SMIM35: variants seen among roughly 807,000 people sequenced by gnomAD.
SMIM35 encodes the protein small integral membrane protein 35, also known as TMPRSS4 antisense RNA 1 (non-protein coding).
At chr11:118,006,617 G>A (rs914080821) in intron 4 of SMIM35, among the ~76,000 whole-genome samples, 19 of 152,202 alleles carry the variant, frequency 1.2e-4, no homozygotes, top group South Asian at 2.1e-4. Context: ...TCTTCCATTC[G>A]TGGTAAGGAA....
intron 1 of SMIM35, among the ~76,000 whole-genome samples, chr11:118,074,583 C>CAAAAAATACA (rs925005627): frequency 5.3e-5 from 8 of 151,780 alleles, no homozygotes; most frequent in African/African-American, 1.9e-4. Context: ...CCTGTATCTA[C>CAAAAAATACA]AAAAAATACA....
At chr11:118,009,485 C>T (rs1565378393) in intron 4 of SMIM35, among the ~76,000 whole-genome samples, 2 of 152,142 alleles carry the variant, frequency 1.3e-5, no homozygotes, top group Admixed American at 1.3e-4. Context: ...TTTCACCCTA[C>T]AGGTAAAGTT....
intron 1 of SMIM35, among the ~76,000 whole-genome samples, chr11:118,063,706 A>G (rs1002749263): frequency 6.6e-5 from 10 of 152,152 alleles, no homozygotes; most frequent in African/African-American, 2.2e-4. Flanking sequence ...TTGATCACCA[A>G]TGGCCCGTGG....
Position 118,016,426 on chromosome 11 carries a change from C to T in SMIM35, c.8-617G>A, listed in dbSNP as rs1457184854. 2.6e-5 allele frequency among the ~76,000 whole-genome samples: 4 copies of T among 152,134 alleles called. No individual in the cohort carries two copies. The East Asian group carries it at 5.8e-4, about 22-fold the overall frequency. ...GCCATGGTAGAAGCAGAAAGGACAA[C>T]CAGGTTCTGAGGAAGAGGCTGACAG... is the stretch of plus-strand genomic sequence containing the variant. On this transcript the variant is annotated intron_variant, in intron 1 of 4. Transcript: ENST00000689828.
chr11:118,025,097 T>C (rs768462606), intron 1 of SMIM35, among the ~76,000 whole-genome samples: 1 of 152,186 alleles, frequency 6.6e-6, no homozygotes, highest in African/African-American at 2.4e-5. Flanking sequence ...AAGGAGAAGA[T>C]TTTGTTCTTT....
chr11:118,019,777 A>G (rs1172633079), intron 1 of SMIM35, among the ~76,000 whole-genome samples: 6 of 151,842 alleles, frequency 4.0e-5, no homozygotes, highest in African/African-American at 1.2e-4. Flanking sequence ...CATTATCTCC[A>G]TAATTTTTGT....
intron 1 of SMIM35, among the ~76,000 whole-genome samples, chr11:118,071,215 C>T (rs1246431361): frequency 6.6e-6 from 1 of 152,226 alleles, no homozygotes; most frequent in Non-Finnish European, 1.5e-5. Flanking sequence ...AAGGGAACAC[C>T]TGTTCATCCT....
intron 1 of SMIM35, chr11:118,067,149 C>T (rs998465888): frequency 6.6e-6 from 1 of 151,974 alleles, no homozygotes; most frequent in Non-Finnish European, 1.5e-5. Flanking sequence ...CCCCTCAGAC[C>T]CTCGCAGATG....
chr11:118,059,904 C>T (rs1266403465), intron 1 of SMIM35, among the ~76,000 whole-genome samples: 4 of 152,212 alleles, frequency 2.6e-5, no homozygotes, highest in South Asian at 2.1e-4. Flanking sequence ...CCACTCCCTC[C>T]GTGACAGGGA....
chr11:118,042,826 C>T (rs1944027450), intron 1 of SMIM35, among the ~76,000 whole-genome samples: 1 of 152,230 alleles, frequency 6.6e-6, no homozygotes, highest in Non-Finnish European at 1.5e-5. Flanking sequence ...GGATTTCTCC[C>T]TCGAGAGCAA....
intron 1 of SMIM35, among the ~76,000 whole-genome samples, chr11:118,060,364 C>A (rs1944376702): frequency 6.6e-6 from 1 of 152,262 alleles, no homozygotes; most frequent in African/African-American, 2.4e-5. Context: ...CCCCACACAC[C>A]TCTTGCAATT....
At chr11:118,054,357 T>A (rs1944277095) in intron 1 of SMIM35, among the ~76,000 whole-genome samples, 3 of 152,212 alleles carry the variant, frequency 2.0e-5, no homozygotes, top group Admixed American at 2.0e-4. Flanking sequence ...TGAAGTTAAA[T>A]TTTCTTGGAA....
chr11:118,060,422 G>T (rs1944377258), intron 1 of SMIM35, among the ~76,000 whole-genome samples: 1 of 152,222 alleles, frequency 6.6e-6, no homozygotes. Flanking sequence ...ACAAAATCAG[G>T]TCTACTGGCA....
chr11:118,070,657 G>A lies in SMIM35; in HGVS notation c.7+16094C>T, dbSNP rs75873850. On this transcript the variant is annotated intron_variant, in intron 1 of 4. Transcript: ENST00000689828. ...CCTGGAGAGACAGATGAAAAGAAAC[G>A]GGATGGACTCACAAATAATCTGAAA... 9.6e-3 allele frequency among the ~76,000 whole-genome samples: 1,460 copies of A among 152,220 alleles called. 18 individuals carry two copies. Among genetic ancestry groups the A allele is most frequent in the African/African-American group, 0.034 (1,421 of 41,544 alleles).
At chr11:118,022,032 C>CTTTT (rs761119844) in intron 1 of SMIM35, among the ~76,000 whole-genome samples, 3,369 of 120,548 alleles carry the variant, frequency 0.028, 147 homozygotes, top group African/African-American at 0.093. Flanking sequence ...AACAATAAGT[C>CTTTT]TTTTTTTTTT....
chr11:118,078,756 C>G (rs981832098), intron 1 of SMIM35, among the ~76,000 whole-genome samples: 2 of 152,280 alleles, frequency 1.3e-5, no homozygotes, highest in Non-Finnish European at 1.5e-5. Flanking sequence ...ACTGCAGAAT[C>G]AGAAGGCTGA....
At chr11:118,057,051 G>A (rs10219396) in intron 1 of SMIM35, among the ~76,000 whole-genome samples, 40,359 of 152,112 alleles carry the variant, frequency 0.27, 5,390 homozygotes, top group South Asian at 0.3. Flanking sequence ...AAGAAGGTCT[G>A]GCCACAGGGC....
chr11:118,028,946 G>A (rs755478584), intron 1 of SMIM35: 3 of 406,274 alleles, frequency 7.4e-6, no homozygotes, highest in South Asian at 3.6e-5. Context: ...AGAGGAGGAG[G>A]AGGAGAAATT....
chr11:118,051,971 C>T (rs547672151), intron 1 of SMIM35, among the ~76,000 whole-genome samples: 72 of 152,250 alleles, frequency 4.7e-4, no homozygotes, highest in Middle Eastern at 3.4e-3. Flanking sequence ...GAATCATGAA[C>T]CTTCTGCAGA....
Sources: gnomAD v4.1 joint callset for allele counts (sites outside exome capture counted in the v4.1 genomes callset) on GRCh38, gnomAD v4.1.1 for gene constraint, MANE v1.5 for transcripts, NCBI Gene and HGNC (gene_info 2026-07-23, HGNC 2026-07-21) for gene names.